ZNF814: variants seen among roughly 807,000 people sequenced by gnomAD.
The protein encoded by ZNF814 is zinc finger protein 814.
In ZNF814, 5 loss-of-function variants were observed where a neutral mutation model predicts 7.5. The ratio of observed to expected loss-of-function variants is 0.67; its 90% CI spans 0.35 to 1.40. The LOEUF (loss-of-function observed/expected upper bound fraction) is 1.40, where lower values mean the gene tolerates loss of function less well. ZNF814 is among the 40% of genes most tolerant of loss of function. ZNF814 has a pLI of 0.04. For synonymous variants in ZNF814, 315 were observed against 340.7 expected, an observed-to-expected ratio of 0.92 and a Z score of 0.83; for missense variants, 962 against 1,018.0, an observed-to-expected ratio of 0.94 and a Z score of 0.75.
Position 57,872,643 on chromosome 19 carries a change from T to G in ZNF814, c.*179A>C. ...AAGTTTCAGCAAAGGATTTCCCACATTCACTGCACTCATAAGGTGGTGTGA... is the reference window on the plus strand; with the variant it reads ...AAGTTTCAGCAAAGGATTTCCCACAGTCACTGCACTCATAAGGTGGTGTGA... On this transcript the variant is annotated 3_prime_UTR_variant, in exon 3 of 3. Coordinates refer to ENST00000435989, the MANE Select transcript of ZNF814 (RefSeq NM_001144989.2). 1 of 1,477,290 alleles carries G rather than the reference T, an allele frequency of 6.8e-7. No homozygotes were observed. The highest frequency in any genetic ancestry group is 9.3e-7 in the Non-Finnish European group (1 of 1,076,918). The allele number at this position is 1,477,290 out of a possible 1,614,324, so 91.5% of individuals were successfully genotyped here. A position where few individuals can be genotyped will look rare whatever the true frequency, so the allele number is the denominator to read the frequency against.
chr19:57,873,565 A>T lies in ZNF814; in HGVS notation c.1825T>A (p.Cys609Ser), dbSNP rs755404847. 6.2e-7 allele frequency: 1 copy of T among 1,614,072 alleles called. No homozygotes were observed. The highest frequency in any genetic ancestry group is 1.1e-5 in the South Asian group (1 of 91,076). ...CGCTTATGACTAAAAGATTTCCCAC[A>T]TTCTCCACACTCATAAGGCCTCTCT... is the stretch of plus-strand genomic sequence containing the variant. ...TGERPYECGE[C>S]GKSFSHKRSL... The change falls in exon 3 of 3, where the codon TGT becomes AGT. Residue 609 changes from cysteine (C) to serine (S), a missense_variant. Physicochemically the swap from Cys to Ser is moderately radical, Grantham distance 112 (BLOSUM62 -1). Around this residue, in one of 7 missense-constraint regions of ZNF814, gnomAD observed 665 missense variants for 551.4 expected, o/e 1.21. Transcript: ENST00000435989.
chr19:57,889,168 T>C, upstream of ZNF814: 1 of 404,084 alleles, frequency 2.5e-6, no homozygotes, highest in Non-Finnish European at 4.4e-6. Context: ...TGTAGTTCCC[T>C]AGGCAACAAG....
At chr19:57,902,181 A>G in the ZNF814 span, among the ~76,000 whole-genome samples, 33 of 152,324 alleles carry the variant, frequency 2.2e-4, no homozygotes, top group East Asian at 5.8e-3. Flanking sequence ...ACTCGAATGT[A>G]AACAAAATAG....
At chr19:57,901,317 A>G in the ZNF814 span, among the ~76,000 whole-genome samples, 1 of 152,252 alleles carries the variant, frequency 6.6e-6, no homozygotes, top group Non-Finnish European at 1.5e-5. Flanking sequence ...CGCTTTATTA[A>G]CATTAAATTT....
chr19:57,904,649 G>A, the ZNF814 span, among the ~76,000 whole-genome samples: 9 of 152,206 alleles, frequency 5.9e-5, no homozygotes, highest in Middle Eastern at 0.01. Context: ...GGACTTTCAC[G>A]GATTTTGTAA....
upstream of ZNF814, among the ~76,000 whole-genome samples, chr19:57,891,447 C>A (rs2071733753): frequency 6.6e-6 from 1 of 151,670 alleles, no homozygotes; most frequent in African/African-American, 2.4e-5. Flanking sequence ...ACGGCGTGAA[C>A]CCGGGAGGTG....
upstream of ZNF814, among the ~76,000 whole-genome samples, chr19:57,890,198 C>T (rs1333370162): frequency 6.6e-6 from 1 of 152,092 alleles, no homozygotes; most frequent in African/African-American, 2.4e-5. Flanking sequence ...TTCCTACTGC[C>T]CAGATAAAGC....
In ZNF814 at chr19:57,872,970, T is replaced by C; in HGVS notation, c.2420A>G (p.Lys807Arg). Residue 807 changes from lysine to arginine, a missense_variant, in exon 3 of 3, where the codon AAA becomes AGA. Coordinates refer to ENST00000435989, the MANE Select transcript of ZNF814 (RefSeq NM_001144989.2). ...GAGACTGGAGCTTTCAGCAAAAGAT[T>C]TTCCACATTCACTGCACTCATAAGG... ...EKPYECSECG[K>R]SFAESSSLTK... The C allele has an allele frequency of 2.5e-6, 4 of 1,613,982 alleles. No individual in the cohort carries two copies. Among genetic ancestry groups the C allele is most frequent in the Non-Finnish European group, 3.4e-6 (4 of 1,179,886 alleles).
intron 1 of ZNF814, among the ~76,000 whole-genome samples, chr19:57,885,693 G>A (rs1035153778): frequency 6.7e-6 from 1 of 148,976 alleles, no homozygotes; most frequent in Non-Finnish European, 1.5e-5. Context: ...TCTAGAAAAA[G>A]AGAATAAGAC....
At chr19:57,883,283 C>A (rs1385105945) in intron 1 of ZNF814, among the ~76,000 whole-genome samples, 1 of 149,074 alleles carries the variant, frequency 6.7e-6, no homozygotes, top group African/African-American at 2.5e-5. Flanking sequence ...GCATGAACCC[C>A]AGGGGGGCAG....
At chr19:57,878,678 CA>C (rs1256390910) in intron 1 of ZNF814, among the ~76,000 whole-genome samples, 1 of 152,102 alleles carries the variant, frequency 6.6e-6, no homozygotes, top group African/African-American at 2.4e-5. Flanking sequence ...AGGCTGCTTT[CA>C]AACCCCTGAT....
chr19:57,890,674 C>G (rs8112882), upstream of ZNF814, among the ~76,000 whole-genome samples: 53,706 of 151,956 alleles, frequency 0.35, 9,812 homozygotes, highest in East Asian at 0.47. Flanking sequence ...TCTCCAGCAC[C>G]AATCTTAGCT....
chr19:57,876,809 G>T, intron 2 of ZNF814, 107 bp downstream of exon 2: 2 of 1,546,168 alleles, frequency 1.3e-6, no homozygotes, highest in Non-Finnish European at 8.7e-7. Context: ...CAGAACTGAA[G>T]CAGGAAGCTG....
chr19:57,888,775 A>AG lies in ZNF814; in HGVS notation c.27dup (p.Ser10LeufsTer9). On this transcript the variant is annotated frameshift_variant, in exon 1 of 3. Coordinates refer to ENST00000435989, the MANE Select transcript of ZNF814 (RefSeq NM_001144989.2). LOFTEE classifies it high-confidence loss of function. ...GAAGGCCCCACAATTACCTGAGCGG[A>AG]GAGCCTCAGCGTAGCCGCGGCAGCC... 6.4e-7 allele frequency: 1 copy of AG among 1,552,952 alleles called. No homozygotes were observed. The highest frequency in any genetic ancestry group is 8.7e-7 in the Non-Finnish European group (1 of 1,147,726).
chr19:57,889,890 A>T (rs7247757), upstream of ZNF814, among the ~76,000 whole-genome samples: 54,004 of 151,972 alleles, frequency 0.36, 10,151 homozygotes, highest in East Asian at 0.47. Flanking sequence ...TAAAAATAAA[A>T]AAATAAATAA....
the ZNF814 span, chr19:57,901,562 G>A: frequency 6.5e-5 from 26 of 398,434 alleles, no homozygotes; most frequent in Non-Finnish European, 1.1e-4. Flanking sequence ...AGCCACACCA[G>A]GAAGAGAGGA....
chr19:57,878,624 A>G (rs2071628348), intron 1 of ZNF814, among the ~76,000 whole-genome samples: 2 of 151,876 alleles, frequency 1.3e-5, no homozygotes, highest in Non-Finnish European at 2.9e-5. Context: ...ATGCCCAGCT[A>G]ATTTCTATAT....
At chr19:57,883,755 G>T (rs1165958813) in intron 1 of ZNF814, among the ~76,000 whole-genome samples, 1 of 151,568 alleles carries the variant, frequency 6.6e-6, no homozygotes, top group African/African-American at 2.4e-5. Context: ...AGTGGGCAAA[G>T]ATTTCTTTAT....
intron 1 of ZNF814, among the ~76,000 whole-genome samples, chr19:57,877,308 C>T (rs1033410842): frequency 2.0e-5 from 3 of 152,180 alleles, no homozygotes; most frequent in African/African-American, 7.2e-5. Flanking sequence ...AATGTGGCAC[C>T]TTCAGCACAG....
Sources: gnomAD v4.1 joint callset for allele counts (sites outside exome capture counted in the v4.1 genomes callset) on GRCh38, gnomAD v4.1.1 for gene constraint, gnomAD v4.1.1 regional missense constraint, MANE v1.5 for transcripts, NCBI Gene and HGNC (gene_info 2026-07-23, HGNC 2026-07-21) for gene names.